DGUOK: variants seen among roughly 807,000 people sequenced by gnomAD.
DGUOK encodes the protein deoxyguanosine kinase.
DGUOK carries 30 observed loss-of-function variants against 36.6 expected under a neutral mutation model. That is an observed-to-expected ratio of 0.82 (90% CI 0.61 to 1.11). The LOEUF is 1.11. Among genes scored for constraint, DGUOK ranks in the 50% most tolerant of loss-of-function variants. DGUOK has a pLI of 0.00. For missense variants in DGUOK, 361 were observed against 336.4 expected, an observed-to-expected ratio of 1.07 and a Z score of -0.57; for synonymous variants, 145 against 126.3, an observed-to-expected ratio of 1.15 and a Z score of -0.99.
chr2:73,932,537 C>A, intron 1 of DGUOK: 2 of 1,013,026 alleles, frequency 2.0e-6, no homozygotes, highest in Non-Finnish European at 2.7e-6. Context: ...CATTGGTACC[C>A]ACACAGGGAA....
chr2:73,950,118 A>G (rs1041889919), intron 3 of DGUOK, among the ~76,000 whole-genome samples: 6 of 152,314 alleles, frequency 3.9e-5, no homozygotes, highest in African/African-American at 1.4e-4. Flanking sequence ...TAGCCTGGAG[A>G]CTTAGAAGCC....
In DGUOK at chr2:73,958,786, G is replaced by A. The variant is rs759918351; in HGVS notation, c.*50G>A. On this transcript the variant is annotated 3_prime_UTR_variant, in exon 7 of 7. Transcript: ENST00000264093. ...GATCTGGGCTCCCTGACTTTCTGAA[G>A]CTAGAAAAATGTTGTGTCTCCCAAC... 8.4e-6 allele frequency: 13 copies of A among 1,547,996 alleles called. No individual in the cohort carries two copies.
rs932394897 is a variant in DGUOK at position 73,946,830 on chromosome 2, C to T, written c.367C>T (p.Leu123=). 2 of 1,613,888 alleles carry T rather than the reference C, an allele frequency of 1.2e-6. No individual in the cohort carries two copies. The highest frequency in any genetic ancestry group is 1.7e-6 in the Non-Finnish European group (2 of 1,180,040). ...FSFLSRLKVQ[L]EPFPEKLLQA... is the part of the protein sequence containing the mutation. Reference sequence around the variant, plus strand: ...CTTTTTGAGCCGCCTGAAAGTACAGCTGGAGCCCTTCCCTGAGAAACTCTT... The same window carrying T: ...CTTTTTGAGCCGCCTGAAAGTACAGTTGGAGCCCTTCCCTGAGAAACTCTT... Residue 123 remains leucine, a synonymous_variant, in exon 3 of 7, where the codon CTG becomes TTG. Transcript: ENST00000264093.
intron 4 of DGUOK, among the ~76,000 whole-genome samples, chr2:73,955,228 G>T (rs1176362873): frequency 6.6e-6 from 1 of 152,180 alleles, no homozygotes; most frequent in African/African-American, 2.4e-5. Context: ...TTCTGCCTTT[G>T]TGTGTGTACT....
intron 1 of DGUOK, among the ~76,000 whole-genome samples, chr2:73,930,753 G>T (rs1445963197): frequency 6.9e-6 from 1 of 144,642 alleles, no homozygotes; most frequent in Non-Finnish European, 1.5e-5. Flanking sequence ...TCACAACTAA[G>T]TAGGAGAAAA....
intron 1 of DGUOK, among the ~76,000 whole-genome samples, chr2:73,934,284 G>A (rs890474152): frequency 3.3e-5 from 5 of 152,276 alleles, no homozygotes; most frequent in African/African-American, 1.2e-4. Context: ...TGAGAATAGT[G>A]GAGCTAATGA....
chr2:73,954,044 C>T lies in DGUOK; in HGVS notation c.592-3081C>T, dbSNP rs914071711. Among the ~76,000 whole-genome samples the T allele has an allele frequency of 5.9e-5, 9 of 152,082 alleles. No homozygotes were observed. The East Asian group carries it at 7.8e-4, about 13-fold the overall frequency. Reference sequence around the variant, plus strand: ...CCTAACTTCTTAAAAGCCAGCAAGCCGGGCCAGACTGGACCAGGCGGGTGC... The same window carrying T: ...CCTAACTTCTTAAAAGCCAGCAAGCTGGGCCAGACTGGACCAGGCGGGTGC... On this transcript the variant is annotated intron_variant, in intron 4 of 6. Transcript: ENST00000264093.
At chr2:73,931,630 C>A (rs1573505218) in intron 1 of DGUOK, among the ~76,000 whole-genome samples, 1 of 152,188 alleles carries the variant, frequency 6.6e-6, no homozygotes, top group Non-Finnish European at 1.5e-5. Flanking sequence ...TGTGCCATGA[C>A]CAGATTAATT....
chr2:73,957,622 C>T (rs1683217729), intron 5 of DGUOK, among the ~76,000 whole-genome samples: 1 of 152,144 alleles, frequency 6.6e-6, no homozygotes, highest in Non-Finnish European at 1.5e-5. Context: ...TGCGGTGAGC[C>T]GAGATCGCAC....
At chr2:73,940,946 A>G (rs1044427466) in intron 2 of DGUOK, among the ~76,000 whole-genome samples, 1 of 152,246 alleles carries the variant, frequency 6.6e-6, no homozygotes, top group African/African-American at 2.4e-5. Flanking sequence ...ACATGATTGC[A>G]TGTCCACAAT....
chr2:73,927,933 C>G (rs1408368869), intron 1 of DGUOK, among the ~76,000 whole-genome samples: 1 of 152,136 alleles, frequency 6.6e-6, no homozygotes, highest in Non-Finnish European at 1.5e-5. Context: ...ACCTTTTGAG[C>G]CACTTCCATA....
chr2:73,948,950 A>G (rs1188005403), intron 3 of DGUOK, among the ~76,000 whole-genome samples: 1 of 152,132 alleles, frequency 6.6e-6, no homozygotes, highest in South Asian at 2.1e-4. Flanking sequence ...ATTTCTCTTT[A>G]TAAGATCCTT....
chr2:73,958,888 C>CT lies in DGUOK; in HGVS notation c.*155dup. On this transcript the variant is annotated 3_prime_UTR_variant, in exon 7 of 7. Coordinates refer to ENST00000264093, the MANE Select transcript of DGUOK (RefSeq NM_080916.3). ...AGCTGGTTTGTTAATTATTGTTAGACTTTGCCATTGTTTTCTTTTGTACCT... is the reference window on the plus strand; with the variant it reads ...AGCTGGTTTGTTAATTATTGTTAGACTTTTGCCATTGTTTTCTTTTGTACCT... The CT allele has an allele frequency of 1.5e-6, 1 of 682,350 alleles. No homozygotes were observed. Among genetic ancestry groups the CT allele is most frequent in the African/African-American group, 1.8e-5 (1 of 55,252 alleles). 42.3% of individuals were successfully genotyped at this position (682,350 alleles called of 1,614,324 possible). A position where few individuals can be genotyped will look rare whatever the true frequency, so the allele number is the denominator to read the frequency against.
intron 3 of DGUOK, among the ~76,000 whole-genome samples, chr2:73,949,761 G>A (rs1682579493): frequency 6.6e-6 from 1 of 152,280 alleles, no homozygotes; most frequent in African/African-American, 2.4e-5. Context: ...TGCAAATTGT[G>A]TTTTTTATTA....
intron 2 of DGUOK, among the ~76,000 whole-genome samples, chr2:73,946,377 T>TAGTC (rs1221639436): frequency 2.0e-5 from 3 of 152,356 alleles, no homozygotes; most frequent in Non-Finnish European, 4.4e-5. Context: ...AGATGGTTGT[T>TAGTC]GACTGTTAAC....
chr2:73,946,721 C>G lies in DGUOK; in HGVS notation c.258C>G (p.Ala86=). Residue 86 remains alanine, a splice_region_variant and synonymous_variant, in exon 3 of 7, where the codon GCC becomes GCG. Transcript: ENST00000264093. ...QNIQAAGTQK[A]CTAQSLGNLL... is the part of the protein sequence containing the mutation. ...TTCTTTTTTTCATCTCCCTCTAGGC[C>G]TGCACTGCCCAAAGTCTTGGAAACT... 1.2e-6 allele frequency: 2 copies of G among 1,614,096 alleles called. No homozygotes were observed. Among genetic ancestry groups the G allele is most frequent in the Non-Finnish European group, 1.7e-6 (2 of 1,180,012 alleles).
In DGUOK at chr2:73,950,719, A is replaced by G. The variant is rs370477824; in HGVS notation, c.578A>G (p.Gln193Arg). ...RITLHGFIYL[Q>R]ASPQVCLKRL... ...ACATTACATGGCTTCATCTACCTCC[A>G]GGCTTCTCCCCAGGTAACACTGAAC... Residue 193 changes from glutamine to arginine, a missense_variant, in exon 4 of 7, where the codon CAG (glutamine) becomes CGG (arginine). Physicochemically the swap from Gln to Arg is conservative, Grantham distance 43 (BLOSUM62 1). Transcript: ENST00000264093. The G allele has an allele frequency of 5.6e-6, 9 of 1,614,026 alleles. No homozygotes were observed. In the African/African-American group the frequency reaches 1.1e-4, roughly 19 times the overall value.
At chr2:73,935,176 G>A (rs992694550) in intron 1 of DGUOK, among the ~76,000 whole-genome samples, 1 of 151,788 alleles carries the variant, frequency 6.6e-6, no homozygotes, top group African/African-American at 2.4e-5. Context: ...AGGAGGCAGA[G>A]GTTGCTGTGA....
chr2:73,957,006 A>G, intron 4 of DGUOK, 119 bp from the exon 5 acceptor site: 2 of 719,294 alleles, frequency 2.8e-6, no homozygotes, highest in Non-Finnish European at 5.1e-6. Flanking sequence ...AGCAGAAGCA[A>G]AGGCATGGCT....
Sources: gnomAD v4.1 joint callset for allele counts (sites outside exome capture counted in the v4.1 genomes callset) on GRCh38, gnomAD v4.1.1 for gene constraint, MANE v1.5 for transcripts, NCBI Gene and HGNC (gene_info 2026-07-23, HGNC 2026-07-21) for gene names.